Variants in CEP152 observed in about 807,000 individuals in gnomAD.
The protein encoded by CEP152 is centrosomal protein of 152 kDa.
CEP152 carries 132 observed loss-of-function variants against 188.9 expected under a neutral mutation model. The observed-to-expected ratio is 0.70, with a 90% CI of 0.61 to 0.81. The LOEUF is 0.81. CEP152 is among the 30% of genes least tolerant of loss of function. The pLI is 0.00. For synonymous variants in CEP152, 649 were observed against 666.6 expected, an observed-to-expected ratio of 0.97 and a Z score of 0.41; for missense variants, 1,914 against 1,969.8, an observed-to-expected ratio of 0.97 and a Z score of 0.54.
At chr15:48,733,758 A>G (rs1892502456), downstream of CEP152, among the ~76,000 whole-genome samples, 1 of 152,184 alleles carries the variant, frequency 6.6e-6, no homozygotes, top group Admixed American at 6.5e-5. Context: ...TCTTAAAAAC[A>G]GTATAAGAAA....
At chr15:48,782,022 G>T in intron 11 of CEP152, 117 bp downstream of exon 11, 2 of 841,594 alleles carry the variant, frequency 2.4e-6, no homozygotes, top group Non-Finnish European at 2.0e-6. Flanking sequence ...CCCATGGGCT[G>T]GTTTGAAGGT....
At chr15:48,798,521 C>T (rs1897473585) in intron 2 of CEP152, among the ~76,000 whole-genome samples, 2 of 137,860 alleles carry the variant, frequency 1.5e-5, no homozygotes, top group East Asian at 2.1e-4. Flanking sequence ...AGCAGGTGGC[C>T]TAGAAGCTCT....
intron 17 of CEP152, among the ~76,000 whole-genome samples, chr15:48,765,329 G>C (rs1321525485): frequency 1.3e-5 from 2 of 152,142 alleles, no homozygotes; most frequent in Non-Finnish European, 2.9e-5. Context: ...CCAGTGGTGG[G>C]AGGAAGTCAA....
At chr15:48,753,350 G>A (rs1894017118) in intron 20 of CEP152, among the ~76,000 whole-genome samples, 1 of 152,184 alleles carries the variant, frequency 6.6e-6, no homozygotes, top group Admixed American at 6.5e-5. Context: ...TTATGGTAAT[G>A]TTTTCAGATT....
At chr15:48,732,325 C>T (rs1299625458) in intron 2 of CEP152, among the ~76,000 whole-genome samples, 1 of 152,126 alleles carries the variant, frequency 6.6e-6, no homozygotes, top group East Asian at 1.9e-4. Flanking sequence ...AAATGTGGTA[C>T]ATACACACCA....
chr15:48,751,888 G>A (rs1264071585), intron 21 of CEP152, among the ~76,000 whole-genome samples: 1 of 152,136 alleles, frequency 6.6e-6, no homozygotes, highest in Admixed American at 6.5e-5. Flanking sequence ...TCATCACTCT[G>A]CCATACGTTG....
intron 19 of CEP152, among the ~76,000 whole-genome samples, chr15:48,759,180 T>C (rs1407492548): frequency 6.6e-6 from 1 of 152,186 alleles, no homozygotes; most frequent in African/African-American, 2.4e-5. Flanking sequence ...AACCTATTAC[T>C]TTATCTTTGC....
chr15:48,793,042 G>A (rs1446269704), intron 7 of CEP152, among the ~76,000 whole-genome samples: 2 of 152,208 alleles, frequency 1.3e-5, no homozygotes, highest in African/African-American at 4.8e-5. Context: ...GGCTGGTTTT[G>A]AACTCCTGAT....
Position 48,791,234 on chromosome 15 carries a change from T to A in CEP152, c.972+3A>T, listed in dbSNP as rs367871524. ...TTTACCATACATAAGTTAAAATAGG[T>A]ACCTGTTCTTCATTGACTTTTAATG... On this transcript the variant is annotated splice_donor_region_variant and intron_variant, in intron 8 of 26. Transcript: ENST00000380950. The A allele has an allele frequency of 6.2e-7, 1 of 1,610,148 alleles. No individual in the cohort carries two copies. Among genetic ancestry groups the A allele is most frequent in the Non-Finnish European group, 8.5e-7 (1 of 1,179,078 alleles).
chr15:48,777,842 C>T (rs1896018299), intron 12 of CEP152, among the ~76,000 whole-genome samples: 6 of 152,262 alleles, frequency 3.9e-5, no homozygotes, highest in African/African-American at 1.2e-4. Flanking sequence ...TGAAATAGCA[C>T]ATCCTGTACT....
rs751654651 is a variant in CEP152, at chr15:48,793,420, TAAGAACCTG to T, written c.724_732del (p.Gln242_Leu244del). 80 of 1,613,934 alleles carry T rather than the reference TAAGAACCTG, an allele frequency of 5.0e-5. No homozygotes were observed. Among genetic ancestry groups the T allele is most frequent in the Non-Finnish European group, 6.5e-5 (77 of 1,179,928 alleles). On this transcript the variant is annotated inframe_deletion, in exon 7 of 27. Coordinates refer to ENST00000380950, the MANE Select transcript of CEP152 (RefSeq NM_001194998.2). ...TCCAGTTGTCTCTCTTTTGCTTTGT[TAAGAACCTG>T]AAGTTGAATAATCTGCATATTTTCT...
chr15:48,744,522 G>A (rs767430343), intron 23 of CEP152, among the ~76,000 whole-genome samples, 179 bp from the exon 24 acceptor site: 2 of 152,240 alleles, frequency 1.3e-5, no homozygotes, highest in African/African-American at 2.4e-5. Flanking sequence ...CAACATAAAT[G>A]TTATGGTTGC....
At chr15:48,760,455 G>C (rs1894599858) in intron 18 of CEP152, among the ~76,000 whole-genome samples, 189 bp from the exon 19 acceptor site, 1 of 152,100 alleles carries the variant, frequency 6.6e-6, no homozygotes, top group South Asian at 2.1e-4. Context: ...ACTTCCCATA[G>C]CATCCCATAC....
At chr15:48,730,752 A>G (rs111261487) in intron 2 of CEP152, among the ~76,000 whole-genome samples, 3 of 152,334 alleles carry the variant, frequency 2.0e-5, no homozygotes, top group East Asian at 1.9e-4. Flanking sequence ...AAAACTAGAA[A>G]TGCAAATTAA....
intron 9 of CEP152, among the ~76,000 whole-genome samples, chr15:48,786,276 G>C (rs1331497317): frequency 6.6e-6 from 1 of 151,944 alleles, no homozygotes; most frequent in African/African-American, 2.4e-5. Context: ...GAGTCCAGGC[G>C]ATAGTTTACT....
intron 8 of CEP152, 150 bp from the exon 9 acceptor site, chr15:48,789,151 AG>A (rs1244466867): frequency 5.5e-6 from 4 of 732,882 alleles, no homozygotes; most frequent in Non-Finnish European, 9.3e-6. Context: ...TCATGGCTCA[AG>A]CTCCTTAAAA....
Position 48,739,013 on chromosome 15 carries a change from G to A in CEP152, c.4369C>T (p.Pro1457Ser), listed in dbSNP as rs375493219. Residue 1457 changes from proline to serine, a missense_variant, in exon 27 of 27, where the codon CCA becomes TCA. Physicochemically the swap from Pro to Ser is moderately conservative, Grantham distance 74 (BLOSUM62 -1). Transcript: ENST00000380950. The stretch of plus-strand genomic sequence containing the variant: ...ACAAACTCAGGAGAAACATTCCTTG[G>A]CAAACTGTTTAGGTGCTTGCAACTA... ...DGSCKHLNSLPRNVSPEFVPC... is the reference protein window; with the variant it reads ...DGSCKHLNSLSRNVSPEFVPC... The A allele has an allele frequency of 6.2e-7, 1 of 1,614,072 alleles. No individual in the cohort carries two copies. The highest frequency in any genetic ancestry group is 1.3e-5 in the African/African-American group (1 of 75,024).
In CEP152 at chr15:48,762,661, T is replaced by C. The variant is rs1475882586; in HGVS notation, c.2292A>G (p.Lys764=). 1.9e-6 allele frequency: 3 copies of C among 1,613,488 alleles called. No homozygotes were observed. Among genetic ancestry groups the C allele is most frequent in the African/African-American group, 1.3e-5 (1 of 75,002 alleles). Residue 764 remains lysine (K), a synonymous_variant, in exon 18 of 27, where the codon AAA becomes AAG. Coordinates refer to ENST00000380950, the MANE Select transcript of CEP152 (RefSeq NM_001194998.2). ...EQQTQEKIKE[K]LIQQLEKEWQ... The stretch of plus-strand genomic sequence containing the variant: ...ACTCCTTTTCAAGCTGTTGAATGAG[T>C]TTTTCTTTGATCTGTTTTCAGAAGA...
At chr15:48,761,295 C>T (rs1938031459) in intron 18 of CEP152, among the ~76,000 whole-genome samples, 2 of 152,056 alleles carry the variant, frequency 1.3e-5, no homozygotes, top group African/African-American at 2.4e-5. Context: ...TGTAAAATCA[C>T]GTAGAACAAT....
Sources: allele counts gnomAD v4.1 joint callset (sites outside exome capture counted in the v4.1 genomes callset), GRCh38; gene constraint gnomAD v4.1.1; transcripts MANE v1.5; gene names NCBI Gene and HGNC (gene_info 2026-07-23, HGNC 2026-07-21).